The following ARPP21 variants were observed in gnomAD, a reference collection of about 807,000 sequenced individuals.
ARPP21 encodes cAMP regulated phosphoprotein 21.
In ARPP21, 69 loss-of-function variants were observed where a neutral mutation model predicts 113.2. The observed-to-expected ratio is 0.61, with a 90% CI of 0.50 to 0.74. ARPP21 has a LOEUF of 0.74. Among genes scored for constraint, ARPP21 ranks in the 30% least tolerant of loss-of-function variants. The pLI is 0.00. For synonymous variants in ARPP21, 368 were observed against 375.5 expected (o/e 0.98, Z 0.23); for missense variants, 1,070 against 1,037.4 (o/e 1.03, Z -0.43).
chr3:35,664,011 TG>T (rs1217311159), intron 1 of ARPP21, among the ~76,000 whole-genome samples: 3 of 152,242 alleles, frequency 2.0e-5, no homozygotes, highest in African/African-American at 7.2e-5. Context: ...TCCGTGTTCT[TG>T]GCAAATTTTC....
chr3:35,646,076 T>C (rs976487747), intron 1 of ARPP21, among the ~76,000 whole-genome samples: 8 of 152,042 alleles, frequency 5.3e-5, no homozygotes, highest in Non-Finnish European at 1.0e-4. Flanking sequence ...TTCAAGTTGC[T>C]TTCAGATTAT....
intron 15 of ARPP21, among the ~76,000 whole-genome samples, chr3:35,732,895 A>G (rs2094087211): frequency 1.3e-5 from 2 of 152,104 alleles, no homozygotes; most frequent in South Asian, 4.1e-4. Context: ...TTTTTATTAA[A>G]TGAATCATGA....
rs145936569 is a variant in ARPP21 at position 35,681,534 on chromosome 3, A to G, written c.-38-180A>G. 1,332 of 515,346 alleles carry G rather than the reference A, an allele frequency of 2.6e-3. 2 individuals carry two copies. The highest frequency in any genetic ancestry group is 3.3e-3 in the Non-Finnish European group (931 of 285,916). The allele number at this position is 515,346 out of a possible 1,614,324, so 31.9% of individuals were successfully genotyped here. ...GTGTAAAGGGGGTGTGGATGGGACA[A>G]CTGCATCTGCCTCTTGTGCATGCCT... On this transcript the variant is annotated intron_variant, in intron 2 of 20. Coordinates refer to ENST00000684406, the MANE Select transcript of ARPP21 (RefSeq NM_001385562.1).
Position 35,687,817 on chromosome 3 carries a change from G to C in ARPP21, c.340G>C (p.Glu114Gln), listed in dbSNP as rs755337793. The change falls in exon 6 of 21, where the codon GAA becomes CAA. Residue 114 changes from glutamate (E) to glutamine (Q), a missense_variant. By Grantham distance (29) the Glu-to-Gln change is conservative (BLOSUM62 2). Coordinates refer to ENST00000684406, the MANE Select transcript of ARPP21 (RefSeq NM_001385562.1). ...DKSRKDDSEREKEKDKNKDKT... is the reference protein window; with the variant it reads ...DKSRKDDSERQKEKDKNKDKT... ...ATCTAGGAAAGATGACTCTGAAAGA[G>C]AAAAAGAAAAGGATAAAAACAAAGA... The C allele has an allele frequency of 1.9e-6, 3 of 1,603,498 alleles. No homozygotes were observed. The highest frequency in any genetic ancestry group is 1.7e-4 in the Middle Eastern group (1 of 6,006).
At chr3:35,758,755 T>A (rs533670949) in intron 19 of ARPP21, among the ~76,000 whole-genome samples, 172 of 152,206 alleles carry the variant, frequency 1.1e-3, no homozygotes, top group African/African-American at 4.0e-3. Flanking sequence ...TTTTCATTAA[T>A]GAAACCAGTT....
chr3:35,744,984 C>A (rs1467022161), intron 19 of ARPP21, among the ~76,000 whole-genome samples: 1 of 152,156 alleles, frequency 6.6e-6, no homozygotes, highest in Non-Finnish European at 1.5e-5. Flanking sequence ...GAATTAAATT[C>A]CCCCGTATTG....
At chr3:35,745,986 A>G (rs1343985934) in intron 19 of ARPP21, among the ~76,000 whole-genome samples, 1 of 152,202 alleles carries the variant, frequency 6.6e-6, no homozygotes, top group African/African-American at 2.4e-5. Context: ...GAAGCAAGGC[A>G]GTGCCTAGGG....
intron 18 of ARPP21, 86 bp from the exon 19 acceptor site, chr3:35,743,753 A>C: frequency 6.9e-7 from 1 of 1,447,328 alleles, no homozygotes; most frequent in East Asian, 2.3e-5. Flanking sequence ...ACCTACCACA[A>C]TTATAAGACG....
At chr3:35,643,164 C>G (rs1575347687) in intron 1 of ARPP21, among the ~76,000 whole-genome samples, 3 of 151,978 alleles carry the variant, frequency 2.0e-5, no homozygotes, top group Non-Finnish European at 4.4e-5. Context: ...TCAGGTTATT[C>G]TTTTGTTCAG....
At chr3:35,790,206 C>T (rs924914840) in intron 19 of ARPP21, among the ~76,000 whole-genome samples, 5 of 152,276 alleles carry the variant, frequency 3.3e-5, no homozygotes, top group African/African-American at 1.2e-4. Flanking sequence ...CTTGTGCTTT[C>T]AATCTTCAGC....
intron 19 of ARPP21, among the ~76,000 whole-genome samples, chr3:35,755,405 C>CTT (rs530494129): frequency 2.0e-5 from 3 of 152,122 alleles, no homozygotes; most frequent in African/African-American, 7.2e-5. Context: ...TCTTTATACT[C>CTT]TTTTTTTCTT....
At chr3:35,772,888 G>T (rs2096249642) in intron 19 of ARPP21, among the ~76,000 whole-genome samples, 1 of 152,128 alleles carries the variant, frequency 6.6e-6, no homozygotes, top group Non-Finnish European at 1.5e-5. Context: ...TGCTCTTACA[G>T]AATTGCACTC....
chr3:35,738,222 G>T lies in ARPP21; in HGVS notation c.1653G>T (p.Gln551His). The part of the protein sequence containing the change: ...MAGPLVTQSV[Q>H]GLQASSQSVQ... ...TTTTTTCTTTCCTCCAGTCTGTCCA[G>T]GGGCTGCAGGCTTCCTCCCAGTCAG... Residue 551 changes from glutamine (Q) to histidine (H), a missense_variant, in exon 17 of 21, where the codon CAG becomes CAT. Coordinates refer to ENST00000684406, the MANE Select transcript of ARPP21 (RefSeq NM_001385562.1). 6.5e-7 allele frequency: 1 copy of T among 1,534,738 alleles called. No homozygotes were observed. The highest frequency in any genetic ancestry group is 2.4e-5 in the East Asian group (1 of 40,880).
chr3:35,680,156 T>C (rs2078482018), intron 2 of ARPP21, among the ~76,000 whole-genome samples, 196 bp downstream of exon 2: 1 of 151,896 alleles, frequency 6.6e-6, no homozygotes, highest in African/African-American at 2.4e-5. Context: ...GTTCTGTTTT[T>C]TACTTAAATA....
At chr3:35,780,193 G>A (rs1008437935) in intron 19 of ARPP21, among the ~76,000 whole-genome samples, 2 of 152,144 alleles carry the variant, frequency 1.3e-5, no homozygotes, top group African/African-American at 4.8e-5. Context: ...GCTGGAATAG[G>A]ACAGTTTCTT....
At chr3:35,721,330 T>C (rs1276382173) in intron 13 of ARPP21, among the ~76,000 whole-genome samples, 2 of 152,334 alleles carry the variant, frequency 1.3e-5, no homozygotes, top group East Asian at 3.9e-4. Flanking sequence ...ATGACATGTC[T>C]TTCTAGTTGT....
intron 10 of ARPP21, chr3:35,707,689 C>A: frequency 5.2e-6 from 2 of 385,320 alleles, no homozygotes; most frequent in Non-Finnish European, 1.0e-5. Context: ...TGTAGCAGAA[C>A]TTTATCCTTG....
chr3:35,659,688 T>G (rs1706767855), intron 1 of ARPP21, among the ~76,000 whole-genome samples: 1 of 152,084 alleles, frequency 6.6e-6, no homozygotes, highest in Admixed American at 6.6e-5. Context: ...GCTAGGAGAT[T>G]TGTTAGTAAA....
At chr3:35,765,437 G>C (rs1185560690) in intron 19 of ARPP21, among the ~76,000 whole-genome samples, 3 of 152,096 alleles carry the variant, frequency 2.0e-5, no homozygotes, top group African/African-American at 7.2e-5. Context: ...TAGTTAACTG[G>C]ATCCCCTCTT....
Sources: allele counts gnomAD v4.1 joint callset (sites outside exome capture counted in the v4.1 genomes callset), GRCh38; gene constraint gnomAD v4.1.1; transcripts MANE v1.5; gene names NCBI Gene and HGNC (gene_info 2026-07-23, HGNC 2026-07-21).